PCSK7: variants seen among roughly 807,000 people sequenced by gnomAD.
The protein encoded by PCSK7 is lymphoma proprotein convertase.
PCSK7 carries 38 observed loss-of-function variants against 73.3 expected under a neutral mutation model. The observed-to-expected ratio is 0.52, with a 90% CI of 0.40 to 0.68. The LOEUF (loss-of-function observed/expected upper bound fraction) is 0.68. PCSK7 is among the 30% of genes least tolerant of loss of function. The probability of loss-of-function intolerance (pLI) is 0.00; values close to 1 mark genes in which losing one functional copy is unlikely to be tolerated. For missense variants in PCSK7, 692 were observed against 991.5 expected (o/e 0.70, Z 4.06); for synonymous variants, 296 against 383.8 (o/e 0.77, Z 2.68).
At chr11:117,219,245 C>A in intron 10 of PCSK7, 81 bp from the exon 11 acceptor site, 1 of 1,037,014 alleles carries the variant, frequency 9.6e-7, no homozygotes, top group South Asian at 1.4e-5. Context: ...CCTGCTTGCC[C>A]TGCTGGCTGA....
rs764500769 is a variant in PCSK7 at position 117,228,273 on chromosome 11, C to T, written c.546G>A (p.Thr182=). 2.3e-5 allele frequency: 37 copies of T among 1,613,710 alleles called. No individual in the cohort carries two copies. The highest frequency in any genetic ancestry group is 6.7e-5 in the East Asian group (3 of 44,872). The part of the protein sequence containing the change: ...WERNVTGRGV[T]VVVVDDGVEH... Reference sequence around the variant, plus strand: ...CCACTCCGTCATCCACTACCACCACCGTCACCCCTCGCCCAGTCACATTGC... The same window carrying T: ...CCACTCCGTCATCCACTACCACCACTGTCACCCCTCGCCCAGTCACATTGC... Residue 182 remains threonine, a synonymous_variant, in exon 4 of 17, where the codon ACG becomes ACA. Transcript: ENST00000320934.
Position 117,204,908 on chromosome 11 carries a change from G to A in PCSK7, c.*1089C>T, listed in dbSNP as rs2031280769. 4.6e-6 allele frequency: 1 copy of A among 216,948 alleles called. No homozygotes were observed. The highest frequency in any genetic ancestry group is 7.4e-5 in the East Asian group (1 of 13,554). 13.4% of individuals were successfully genotyped at this position (216,948 alleles called of 1,614,324 possible). ...GTGTTCCTGGCTGCCGTCCTCTGAA[G>A]GACCCTTCATGTGCCAAGATTCCAG... On this transcript the variant is annotated 3_prime_UTR_variant, in exon 17 of 17. Coordinates refer to ENST00000320934, the MANE Select transcript of PCSK7 (RefSeq NM_004716.4).
chr11:117,213,956 C>CTTTTTTTTTTTTTTTTTTTTTTT (rs1174445276), intron 12 of PCSK7: 3 of 93,952 alleles, frequency 3.2e-5, no homozygotes, highest in Non-Finnish European at 4.0e-5. Flanking sequence ...TTTTCTTTTT[C>CTTTTTTTTTTTTTTTTTTTTTTT]TTTTTTTTTT....
chr11:117,206,251 C>T lies in PCSK7; in HGVS notation c.2104G>A (p.Gly702Arg). Reference sequence around the variant, plus strand: ...CTCCGATGGGGCCAGTGGCAGGGTCCACTCCTACAAACTTGATTGGAAGCC... The same window carrying T: ...CTCCGATGGGGCCAGTGGCAGGGTCTACTCCTACAAACTTGATTGGAAGCC... ...NVASNQVCRS[G>R]PCHWPHRSRK... The change falls in exon 17 of 17, where the codon GGA becomes AGA. Residue 702 changes from glycine (G) to arginine (R), a missense_variant. By Grantham distance (125) the Gly-to-Arg change is moderately radical. Coordinates refer to ENST00000320934, the MANE Select transcript of PCSK7 (RefSeq NM_004716.4). The T allele has an allele frequency of 6.2e-7, 1 of 1,614,190 alleles. No individual in the cohort carries two copies. Among genetic ancestry groups the T allele is most frequent in the Non-Finnish European group, 8.5e-7 (1 of 1,180,024 alleles).
chr11:117,216,645 G>T (rs2031998050), intron 12 of PCSK7: 1 of 151,882 alleles, frequency 6.6e-6, no homozygotes, highest in African/African-American at 2.4e-5. Context: ...GGTCAGGTTG[G>T]TCTCAAACTC....
At chr11:117,228,074 A>G in intron 4 of PCSK7, 142 bp downstream of exon 4, 80 of 729,732 alleles carry the variant, frequency 1.1e-4, no homozygotes. Flanking sequence ...CTAGCTAGGG[A>G]AAAGAAGAGG....
chr11:117,224,040 GAC>G (rs746264965), intron 8 of PCSK7, 36 bp downstream of exon 8: 348 of 1,605,250 alleles, frequency 2.2e-4, no homozygotes, highest in African/African-American at 3.9e-4. Flanking sequence ...ACCCTTCGGT[GAC>G]ACACACACAG....
Position 117,219,091 on chromosome 11 carries a change from A to G in PCSK7, c.1397T>C (p.Leu466Pro). The G allele has an allele frequency of 3.1e-6, 5 of 1,610,620 alleles. No individual in the cohort carries two copies. The highest frequency in any genetic ancestry group is 4.2e-6 in the Non-Finnish European group (5 of 1,179,850). ...ATTCACGAGCCTCCAGGCGTTGAGG[A>G]GGCCGAAACCGTGCTGGTGGCTATG... ...FSHSHQHGFG[L>P]LNAWRLVNAA... The change falls in exon 11 of 17, where the codon CTC becomes CCC. Residue 466 changes from leucine (L) to proline (P), a missense_variant. Coordinates refer to ENST00000320934, the MANE Select transcript of PCSK7 (RefSeq NM_004716.4).
intron 12 of PCSK7, chr11:117,214,784 G>C (rs1185371005): frequency 1.3e-5 from 2 of 152,342 alleles, no homozygotes; most frequent in Non-Finnish European, 2.9e-5. Context: ...AATCAGCAGA[G>C]AGGGAAATGT....
chr11:117,227,565 C>T (rs2032478756), intron 4 of PCSK7, among the ~76,000 whole-genome samples: 1 of 152,190 alleles, frequency 6.6e-6, no homozygotes, highest in Admixed American at 6.5e-5. Flanking sequence ...GCCTCAGCCT[C>T]CCGAGTGGCT....
At position 117,206,176 on chromosome 11, in the gene PCSK7, T is replaced by A; in HGVS notation, c.2179A>T (p.Ser727Cys). The change falls in exon 17 of 17, where the codon AGC (serine) becomes TGC (cysteine). Residue 727 changes from serine to cysteine, a missense_variant. By Grantham distance (112) the Ser-to-Cys change is moderately radical (BLOSUM62 -1). Transcript: ENST00000320934. ...TCCACTTCGTCTGGATCCTTGCTGC[T>A]GCAAAGTGGCACTGATTCTAGCTCT... Reference protein sequence around the residue: ...GTELESVPLCSSKDPDEVETE... With the variant: ...GTELESVPLCCSKDPDEVETE... The A allele has an allele frequency of 6.2e-7, 1 of 1,613,860 alleles. No individual in the cohort carries two copies. Among genetic ancestry groups the A allele is most frequent in the Non-Finnish European group, 8.5e-7 (1 of 1,179,844 alleles).
At chr11:117,227,343 C>T in intron 4 of PCSK7, 21 bp from the exon 5 acceptor site, 1 of 1,602,070 alleles carries the variant, frequency 6.2e-7, no homozygotes, top group Non-Finnish European at 8.6e-7. Flanking sequence ...TTGGAGGTGA[C>T]ATGTGGTCAT....
At chr11:117,210,292 CAA>C (rs1335378800) in intron 12 of PCSK7, 3 of 149,372 alleles carry the variant, frequency 2.0e-5, no homozygotes, top group Admixed American at 2.0e-4. Context: ...AAAACAAAAA[CAA>C]AAAACTACTG....
chr11:117,215,364 T>TTTTTTTTTGTGTGTGTATGTG, intron 12 of PCSK7: 1 of 84,902 alleles, frequency 1.2e-5, no homozygotes, highest in East Asian at 4.4e-4. Context: ...CCTGGCTAAT[T>TTTTTTTTTGTGTGTGTATGTG]TGTGTGTGTG....
At chr11:117,217,248 G>C (rs1240270182) in intron 12 of PCSK7, 1 of 152,058 alleles carries the variant, frequency 6.6e-6, no homozygotes, top group Non-Finnish European at 1.5e-5. Flanking sequence ...GACGAAGCTG[G>C]GAAGACCATA....
chr11:117,216,810 G>A (rs904372033), intron 12 of PCSK7: 2 of 152,126 alleles, frequency 1.3e-5, no homozygotes, highest in Non-Finnish European at 2.9e-5. Context: ...TGTCTGCTCA[G>A]AGGAAAATGT....
intron 6 of PCSK7, 105 bp downstream of exon 6, chr11:117,225,826 G>C: frequency 1.4e-6 from 1 of 727,108 alleles, no homozygotes; most frequent in Non-Finnish European, 2.5e-6. Flanking sequence ...ACCCAATGAG[G>C]AGACCCCTGC....
At chr11:117,226,095 A>G (rs921760927) in intron 5 of PCSK7, 74 bp from the exon 6 acceptor site, 1 of 849,494 alleles carries the variant, frequency 1.2e-6, no homozygotes, top group East Asian at 2.4e-5. Context: ...GTGGGGAGCC[A>G]TATGTGGGAG....
intron 4 of PCSK7, among the ~76,000 whole-genome samples, chr11:117,227,912 CCTAGAGGCCACGCTTTAGAGA>C (rs1431104535): frequency 6.6e-6 from 1 of 152,162 alleles, no homozygotes; most frequent in African/African-American, 2.4e-5. Flanking sequence ...GGTAGGGCTC[CCTAGAGGCCACGCTTTAGAGA>C]GAGGAAGGCA....
Sources: gnomAD v4.1 joint callset for allele counts (sites outside exome capture counted in the v4.1 genomes callset) on GRCh38, gnomAD v4.1.1 for gene constraint, MANE v1.5 for transcripts, NCBI Gene and HGNC (gene_info 2026-07-23, HGNC 2026-07-21) for gene names.